ANKRD18B: variants seen among roughly 807,000 people sequenced by gnomAD.
ANKRD18B encodes ankyrin repeat domain 18B.
Under a neutral mutation model 111.8 loss-of-function variants are expected in ANKRD18B, and 75 were observed. The ratio of observed to expected loss-of-function variants is 0.67; its 90% CI spans 0.56 to 0.81. The LOEUF is 0.81. Among genes scored for constraint, ANKRD18B ranks in the 40% least tolerant of loss-of-function variants. The probability of loss-of-function intolerance (pLI) is 0.00; values close to 1 mark genes in which losing one functional copy is unlikely to be tolerated. For synonymous variants in ANKRD18B, 356 were observed against 417.3 expected, an observed-to-expected ratio of 0.85 and a Z score of 1.79; for missense variants, 1,038 against 1,225.5, an observed-to-expected ratio of 0.85 and a Z score of 2.28.
intron 12 of ANKRD18B, among the ~76,000 whole-genome samples, chr9:33,554,163 GAGA>G (rs1412284893): frequency 5.5e-5 from 8 of 144,160 alleles, no homozygotes; most frequent in African/African-American, 1.1e-4. Context: ...AAGAAAGAAA[GAGA>G]GAAAGAAAGA....
At position 33,524,613 on chromosome 9, in the gene ANKRD18B, G is replaced by A. The variant is rs200522426; in HGVS notation, c.124G>A (p.Ala42Thr). The change falls in exon 1 of 19, where the codon GCC becomes ACC. Residue 42 changes from alanine (A) to threonine (T), a missense_variant. Physicochemically the swap from Ala to Thr is moderately conservative, Grantham distance 58. Transcript: ENST00000684830. ...DWELRKIHRA[A>T]IKGDAAEVEH... ...GGAACTGCGGAAGATCCACAGGGCG[G>A]CCATCAAGGGCGACGCCGCAGAGGT... 3.3e-4 allele frequency: 511 copies of A among 1,551,462 alleles called. No homozygotes were observed. Among genetic ancestry groups the A allele is most frequent in the Non-Finnish European group, 3.9e-4 (448 of 1,146,902 alleles).
At chr9:33,564,352 T>C (rs1190152337) in intron 14 of ANKRD18B, among the ~76,000 whole-genome samples, 1 of 152,222 alleles carries the variant, frequency 6.6e-6, no homozygotes, top group Non-Finnish European at 1.5e-5. Flanking sequence ...TCCAGACTGA[T>C]CCACGTGGCT....
At position 33,572,443 on chromosome 9, in the gene ANKRD18B, A is replaced by G. The variant is rs1351422161; in HGVS notation, c.*9A>G. On this transcript the variant is annotated 3_prime_UTR_variant, in exon 19 of 19. Coordinates refer to ENST00000684830, the MANE Select transcript of ANKRD18B (RefSeq NM_001393611.1). ...AAAGTTGTATGATTTAAAAGATCAT[A>G]AAACTTTATTACTGGGCTATTTACA... The G allele has an allele frequency of 1.3e-6, 2 of 1,526,600 alleles. No homozygotes were observed. Among genetic ancestry groups the G allele is most frequent in the Admixed American group, 4.3e-5 (2 of 47,048 alleles). The allele number at this position is 1,526,600 out of a possible 1,614,324, so 94.6% of individuals were successfully genotyped here.
chr9:33,545,800 C>G (rs547691882), intron 10 of ANKRD18B, among the ~76,000 whole-genome samples: 182 of 152,294 alleles, frequency 1.2e-3, no homozygotes, highest in African/African-American at 4.2e-3. Flanking sequence ...AAGAGGTTCC[C>G]TTGCTGCTTC....
At chr9:33,564,259 G>T (rs1020356613) in intron 14 of ANKRD18B, among the ~76,000 whole-genome samples, 1 of 152,204 alleles carries the variant, frequency 6.6e-6, no homozygotes, top group Non-Finnish European at 1.5e-5. Flanking sequence ...ATGTTGCCCA[G>T]CCCTCAATTT....
downstream of ANKRD18B, among the ~76,000 whole-genome samples, chr9:33,575,150 A>G (rs1828843059): frequency 6.6e-6 from 1 of 152,168 alleles, no homozygotes; most frequent in Non-Finnish European, 1.5e-5. Flanking sequence ...GCTGACAGTC[A>G]TCTCATTCAT....
rs1827999078 is a variant in ANKRD18B, at chr9:33,524,637, G to A, written c.148G>A (p.Val50Met). 1.3e-6 allele frequency: 2 copies of A among 1,551,598 alleles called. No individual in the cohort carries two copies. Among genetic ancestry groups the A allele is most frequent in the Non-Finnish European group, 1.7e-6 (2 of 1,146,924 alleles). The change falls in exon 1 of 19, where the codon GTG becomes ATG. Residue 50 changes from valine (V) to methionine (M), a missense_variant. Transcript: ENST00000684830. ...GGCCATCAAGGGCGACGCCGCAGAGGTGGAGCACTGCCTGACGCGCAGGTT... is the reference window on the plus strand; with the variant it reads ...GGCCATCAAGGGCGACGCCGCAGAGATGGAGCACTGCCTGACGCGCAGGTT... ...RAAIKGDAAE[V>M]EHCLTRRFRD...
chr9:33,558,649 T>C (rs1203567287), intron 14 of ANKRD18B, among the ~76,000 whole-genome samples: 2 of 152,208 alleles, frequency 1.3e-5, no homozygotes, highest in Non-Finnish European at 2.9e-5. Flanking sequence ...AGTGCTGCAA[T>C]GAACATACAA....
At chr9:33,571,342 G>T in intron 18 of ANKRD18B, 51 bp downstream of exon 18, 1 of 838,328 alleles carries the variant, frequency 1.2e-6, no homozygotes, top group Non-Finnish European at 1.6e-6. Flanking sequence ...TAGTAATAAA[G>T]TGTAAATAGC....
At chr9:33,569,200 G>T in intron 17 of ANKRD18B, 1 of 211,842 alleles carries the variant, frequency 4.7e-6, no homozygotes, top group Non-Finnish European at 9.2e-6. Context: ...ATAACTGATG[G>T]TATACTTTGA....
intron 9 of ANKRD18B, 51 bp downstream of exon 9, chr9:33,541,278 C>A (rs1421728507): frequency 4.6e-5 from 70 of 1,519,056 alleles, no homozygotes; most frequent in Non-Finnish European, 6.0e-5. Flanking sequence ...GACTGGGAGA[C>A]AAGGGAAGCT....
At chr9:33,568,549 G>A in intron 16 of ANKRD18B, 122 bp from the exon 17 acceptor site, 10 of 830,590 alleles carry the variant, frequency 1.2e-5, no homozygotes, top group Non-Finnish European at 1.6e-5. Context: ...ATCTTCGTGT[G>A]AAAACACTGT....
At chr9:33,524,805 A>G in intron 1 of ANKRD18B, 110 bp downstream of exon 1, 2 of 1,313,186 alleles carry the variant, frequency 1.5e-6, no homozygotes, top group Non-Finnish European at 2.1e-6. Flanking sequence ...CGCGGAGCCA[A>G]ATGGAGCCTC....
chr9:33,555,793 A>G lies in ANKRD18B; in HGVS notation c.2303A>G (p.Asn768Ser). The change falls in exon 13 of 19, where the codon AAT becomes AGT. Residue 768 changes from asparagine (N) to serine (S), a missense_variant. This residue lies in a region of ANKRD18B where 524 missense variants were observed against 677.9 expected (regional missense o/e 0.77). Transcript: ENST00000684830. The stretch of plus-strand genomic sequence containing the variant: ...ACTGCGGATCAAATAAGAAAGAAAA[A>G]TCGTGAATTAGAAGAAGAGGCAACT... ...NYTADQIRKKNRELEEEATGY... is the reference protein window; with the variant it reads ...NYTADQIRKKSRELEEEATGY... 2.1e-6 allele frequency: 3 copies of G among 1,409,026 alleles called. No homozygotes were observed. Among genetic ancestry groups the G allele is most frequent in the Middle Eastern group, 3.7e-4 (2 of 5,392 alleles). The allele number at this position is 1,409,026 out of a possible 1,614,324, so 87.3% of individuals were successfully genotyped here.
chr9:33,527,720 T>C (rs1186348341), intron 1 of ANKRD18B, among the ~76,000 whole-genome samples: 1 of 152,224 alleles, frequency 6.6e-6, no homozygotes, highest in Admixed American at 6.5e-5. Flanking sequence ...AATTAAAATG[T>C]ATTTAAGTGT....
rs1406304947 is a variant in ANKRD18B at position 33,529,087 on chromosome 9, G to A, written c.409G>A (p.Ala137Thr). Residue 137 changes from alanine to threonine, a missense_variant, in exon 3 of 19, where the codon GCT becomes ACT. Physicochemically the swap from Ala to Thr is moderately conservative, Grantham distance 58. This residue lies in a region of ANKRD18B where 216 missense variants were observed against 205.1 expected (regional missense o/e 1.05). Transcript: ENST00000684830. ...PNIKDIYGNTALHYAVYNEGT... is the reference protein window; with the variant it reads ...PNIKDIYGNTTLHYAVYNEGT... ...CATTAAGGATATCTACGGCAACACTGCTCTCCATTATGCCGTGTATAATGA... is the reference window on the plus strand; with the variant it reads ...CATTAAGGATATCTACGGCAACACTACTCTCCATTATGCCGTGTATAATGA... 2 of 1,612,080 alleles carry A rather than the reference G, an allele frequency of 1.2e-6. No homozygotes were observed. The highest frequency in any genetic ancestry group is 1.1e-5 in the South Asian group (1 of 90,986).
rs755445457 is a variant in ANKRD18B, at chr9:33,541,183, G to GA, written c.1042dup (p.Arg348LysfsTer28). Reference sequence around the variant, plus strand: ...ATGAAGCCTGAAAATTTGAAAAAAAGAAAAAAAAGAAAAAAATTGAAAAAA... The same window carrying GA: ...ATGAAGCCTGAAAATTTGAAAAAAAGAAAAAAAAAGAAAAAAATTGAAAAAA... On this transcript the variant is annotated frameshift_variant, in exon 9 of 19. Transcript: ENST00000684830. LOFTEE classifies it high-confidence loss of function. 70 of 1,536,162 alleles carry GA rather than the reference G, an allele frequency of 4.6e-5. 1 individual carries two copies. The highest frequency in any genetic ancestry group is 5.6e-5 in the Non-Finnish European group (64 of 1,141,310).
chr9:33,559,957 AG>A (rs1348836370), intron 14 of ANKRD18B, among the ~76,000 whole-genome samples: 3 of 152,206 alleles, frequency 2.0e-5, no homozygotes, highest in African/African-American at 7.2e-5. Context: ...TATCTTCACT[AG>A]TTTTCCCTTC....
In ANKRD18B at chr9:33,558,230, A is replaced by G. The variant is rs779981762; in HGVS notation, c.2460+43A>G. The stretch of plus-strand genomic sequence containing the variant: ...TATTTTATCTTAAGGTCTAGATTAC[A>G]TGTGTGAGAGGTACAGGTTTGTTAC... On this transcript the variant is annotated intron_variant, in intron 14 of 18. Coordinates refer to ENST00000684830, the MANE Select transcript of ANKRD18B (RefSeq NM_001393611.1). The G allele has an allele frequency of 2.0e-5, 31 of 1,560,496 alleles. No individual in the cohort carries two copies. The South Asian group carries it at 3.5e-4, about 17-fold the overall frequency.
Sources: gnomAD v4.1 joint callset for allele counts (sites outside exome capture counted in the v4.1 genomes callset) on GRCh38, gnomAD v4.1.1 for gene constraint, gnomAD v4.1.1 regional missense constraint, MANE v1.5 for transcripts, NCBI Gene and HGNC (gene_info 2026-07-23, HGNC 2026-07-21) for gene names.